The following DTNA variants were observed in gnomAD, a reference collection of about 807,000 sequenced individuals.
DTNA encodes dystrobrevin alpha.
A neutral mutation model predicts 100.7 loss-of-function variants in DTNA; 43 were observed. That is an observed-to-expected ratio of 0.43 (90% confidence interval 0.33 to 0.55). The LOEUF (loss-of-function observed/expected upper bound fraction) is 0.55. Among genes scored for constraint, DTNA ranks in the 20% least tolerant of loss-of-function variants. The probability of loss-of-function intolerance (pLI) is 0.04; values close to 1 mark genes in which losing one functional copy is unlikely to be tolerated. For synonymous variants in DTNA, 349 were observed against 347.9 expected (o/e 1.00, Z -0.04); for missense variants, 798 against 953.9 (o/e 0.84, Z 2.15).
In DTNA at chr18:34,889,705, G is replaced by T; in HGVS notation, c.*1971G>T. On this transcript the variant is annotated 3_prime_UTR_variant, in exon 23 of 23. Transcript: ENST00000444659. Reference sequence around the variant, plus strand: ...GCCTTGGGGATAAAGTGCTCAATTGGCATTAGTGAGAAGCCCATCCTATCC... The same window carrying T: ...GCCTTGGGGATAAAGTGCTCAATTGTCATTAGTGAGAAGCCCATCCTATCC... 1 of 985,834 alleles carries T rather than the reference G, an allele frequency of 1.0e-6. No individual in the cohort carries two copies. The highest frequency in any genetic ancestry group is 1.2e-6 in the Non-Finnish European group (1 of 830,032). The allele number at this position is 985,834 out of a possible 1,614,324, so 61.1% of individuals were successfully genotyped here.
rs537985307 is a variant in DTNA at position 34,662,094 on chromosome 18, T to C, written c.-1-93882T>C. On this transcript the variant is annotated intron_variant, in intron 1 of 19. Coordinates refer to the DTNA transcript ENST00000283365. Reference sequence around the variant, plus strand: ...GAGATTAAATGTAAGCTGTTACTTATTATCAAGCTTGCATCATTTTGTTGT... The same window carrying C: ...GAGATTAAATGTAAGCTGTTACTTACTATCAAGCTTGCATCATTTTGTTGT... Among the ~76,000 whole-genome samples, 3 of 152,120 alleles carry C rather than the reference T, an allele frequency of 2.0e-5. No individual in the cohort carries two copies. The East Asian group carries it at 5.8e-4, about 29-fold the overall frequency.
chr18:34,545,390 C>A (rs2145825414), intron 1 of DTNA, among the ~76,000 whole-genome samples: 1 of 152,176 alleles, frequency 6.6e-6, no homozygotes, highest in South Asian at 2.1e-4. Context: ...AGGATATGTA[C>A]TCCATGGAAA....
chr18:34,806,268 A>G lies in DTNA; in HGVS notation c.412A>G (p.Thr138Ala), dbSNP rs752228096. 8.1e-6 allele frequency: 13 copies of G among 1,613,964 alleles called. No individual in the cohort carries two copies. In the South Asian group the frequency reaches 1.4e-4, roughly 18 times the overall value. The change falls in exon 5 of 23, where the codon ACA becomes GCA. Residue 138 changes from threonine to alanine, a missense_variant. Around this residue, in one of 6 missense-constraint regions of DTNA, gnomAD observed 197 missense variants for 215.4 expected, o/e 0.91. Transcript: ENST00000444659. ...SVFAVKMALA[T>A]LCGGKIMDKL... ...ATTTGCTGTCAAAATGGCTTTAGCC[A>G]CATTGTGTGGAGGGAAGATCATGGA...
chr18:34,676,147 CCTACCA>C (rs139732360), intron 1 of DTNA, among the ~76,000 whole-genome samples: 2,207 of 152,260 alleles, frequency 0.014, 41 homozygotes, highest in African/African-American at 0.047. Context: ...TTTACCAAAT[CCTACCA>C]CTACAAATGA....
intron 3 of DTNA, among the ~76,000 whole-genome samples, chr18:34,788,516 TCA>T (rs2094588467): frequency 6.6e-6 from 1 of 152,116 alleles, no homozygotes; most frequent in African/African-American, 2.4e-5. Flanking sequence ...TTGCCCAAGG[TCA>T]TAGGGACAGT....
intron 3 of DTNA, among the ~76,000 whole-genome samples, chr18:34,775,742 C>G (rs576153667): frequency 3.7e-4 from 56 of 152,156 alleles, no homozygotes; most frequent in African/African-American, 1.3e-3. Context: ...ATTTTTTTTC[C>G]TCAGAGCTTC....
chr18:34,617,574 C>T (rs1256853809), intron 1 of DTNA, among the ~76,000 whole-genome samples: 1 of 152,028 alleles, frequency 6.6e-6, no homozygotes, highest in South Asian at 2.1e-4. Context: ...AGGATATTGG[C>T]ATGACATTTT....
chr18:34,626,535 A>G (rs1408297276), intron 1 of DTNA, among the ~76,000 whole-genome samples: 1 of 152,206 alleles, frequency 6.6e-6, no homozygotes, highest in East Asian at 1.9e-4. Flanking sequence ...GAGAGTTACA[A>G]ACTGGTCATT....
intron 1 of DTNA, among the ~76,000 whole-genome samples, chr18:34,614,005 C>T (rs576041076): frequency 6.6e-6 from 1 of 152,190 alleles, no homozygotes; most frequent in South Asian, 2.1e-4. Context: ...GGATAAGGTG[C>T]CTCTTGTTAG....
Position 34,527,289 on chromosome 18 carries a change from A to C in DTNA, c.-2+33775A>C, listed in dbSNP as rs548956578. Among the ~76,000 whole-genome samples, 15 of 152,138 alleles carry C rather than the reference A, an allele frequency of 9.9e-5. 1 individual carries two copies. In the South Asian group the frequency reaches 2.9e-3, roughly 29 times the overall value. On this transcript the variant is annotated intron_variant, in intron 1 of 19. Transcript: ENST00000283365. The stretch of plus-strand genomic sequence containing the variant: ...TAATTTAGTCAAATCCTTTTATCTC[A>C]AGTCATACTTCCCACAAACCAAAGA...
chr18:34,753,605 ATCTCCT>A, intron 1 of DTNA, among the ~76,000 whole-genome samples: 1 of 141,234 alleles, frequency 7.1e-6, no homozygotes, highest in East Asian at 1.9e-4. Context: ...GATGGTCTCG[ATCTCCT>A]GACCTCGTGA....
intron 1 of DTNA, among the ~76,000 whole-genome samples, chr18:34,509,216 A>G (rs2040793694): frequency 6.6e-6 from 1 of 152,146 alleles, no homozygotes; most frequent in Non-Finnish European, 1.5e-5. Context: ...TAAATGGTAT[A>G]GCAGATGTTT....
chr18:34,787,143 T>C (rs903498750), intron 3 of DTNA, among the ~76,000 whole-genome samples: 12 of 152,350 alleles, frequency 7.9e-5, no homozygotes, highest in Middle Eastern at 3.4e-3. Context: ...TTGCAGGTGA[T>C]TCCATTGTGA....
intron 1 of DTNA, among the ~76,000 whole-genome samples, chr18:34,596,226 G>A (rs2050580307): frequency 6.6e-6 from 1 of 151,962 alleles, no homozygotes; most frequent in African/African-American, 2.4e-5. Flanking sequence ...TTTTTGTTTT[G>A]TTTTGTTTTG....
chr18:34,821,051 T>A, intron 9 of DTNA, 136 bp downstream of exon 9: 1 of 1,322,252 alleles, frequency 7.6e-7, no homozygotes, highest in South Asian at 1.3e-5. Flanking sequence ...GTCAGAGTAA[T>A]GCCATCATAA....
In DTNA at chr18:34,647,005, C is replaced by T. The variant is rs181790239; in HGVS notation, c.-1-108971C>T. On this transcript the variant is annotated intron_variant, in intron 1 of 19. Transcript: ENST00000283365. ...CTGGGATTACAGGTGTGAGCCACCGCGCCTGGCCAGTTTTGTTATTCTTAA... is the reference window on the plus strand; with the variant it reads ...CTGGGATTACAGGTGTGAGCCACCGTGCCTGGCCAGTTTTGTTATTCTTAA... 1.8e-3 allele frequency among the ~76,000 whole-genome samples: 221 copies of T among 121,662 alleles called. 2 individuals carry two copies. The highest frequency in any genetic ancestry group is 6.7e-3 in the African/African-American group (201 of 30,194). 79.8% of individuals were successfully genotyped at this position (121,662 alleles called of 152,430 possible). A position where few individuals can be genotyped will look rare whatever the true frequency, so the allele number is the denominator to read the frequency against.
chr18:34,663,481 G>A (rs1171425620), intron 1 of DTNA, among the ~76,000 whole-genome samples: 1 of 152,146 alleles, frequency 6.6e-6, no homozygotes, highest in Non-Finnish European at 1.5e-5. Flanking sequence ...TTTTAATAGT[G>A]CAAGGAAATG....
In DTNA at chr18:34,798,145, G is replaced by A. The variant is rs563476194; in HGVS notation, c.362+3895G>A. Reference sequence around the variant, plus strand: ...CTCCCGAGTAGCTGGGACTACAGGCGTGCACCACCACACCTGGCTAGTAAT... The same window carrying A: ...CTCCCGAGTAGCTGGGACTACAGGCATGCACCACCACACCTGGCTAGTAAT... On this transcript the variant is annotated intron_variant, in intron 4 of 22. Transcript: ENST00000444659. Among the ~76,000 whole-genome samples, 24 of 152,112 alleles carry A rather than the reference G, an allele frequency of 1.6e-4. No individual in the cohort carries two copies. The East Asian group carries it at 4.1e-3, about 26-fold the overall frequency.
intron 1 of DTNA, among the ~76,000 whole-genome samples, chr18:34,524,341 A>G (rs2042413089): frequency 1.3e-5 from 2 of 152,262 alleles, no homozygotes; most frequent in African/African-American, 4.8e-5. Flanking sequence ...CTATGTTCTT[A>G]TTTTGACATG....
Sources: gnomAD v4.1 joint callset for allele counts (sites outside exome capture counted in the v4.1 genomes callset) on GRCh38, gnomAD v4.1.1 for gene constraint, gnomAD v4.1.1 regional missense constraint, MANE v1.5 for transcripts, NCBI Gene and HGNC (gene_info 2026-07-23, HGNC 2026-07-21) for gene names.